The following CSMD2 variants were observed in gnomAD, a reference collection of about 807,000 sequenced individuals.
CSMD2 encodes CUB and sushi domain-containing protein 2.
CSMD2 carries 130 observed loss-of-function variants against 398.5 expected under a neutral mutation model. The observed-to-expected ratio is 0.33, with a 90% CI of 0.28 to 0.38. The LOEUF (loss-of-function observed/expected upper bound fraction) is 0.38, where lower values mean the gene tolerates loss of function less well. CSMD2 is among the 10% of genes least tolerant of loss of function. CSMD2 has a pLI of 1.00. For missense variants in CSMD2, 3,829 were observed against 4,764.9 expected (o/e 0.80, Z 5.78); for synonymous variants, 1,828 against 1,908.5 (o/e 0.96, Z 1.10).
In CSMD2 at chr1:33,533,914, C is replaced by G. The variant is rs777893209; in HGVS notation, c.9880-7G>C. 6.3e-7 allele frequency: 1 copy of G among 1,595,008 alleles called. No individual in the cohort carries two copies. Among genetic ancestry groups the G allele is most frequent in the Non-Finnish European group, 8.6e-7 (1 of 1,162,752 alleles). Reference sequence around the variant, plus strand: ...AGAGGACTGTGCTTCCAACCTGCGGCAAGATACAAAGTCCCATCAGCCCCT... The same window carrying G: ...AGAGGACTGTGCTTCCAACCTGCGGGAAGATACAAAGTCCCATCAGCCCCT... On this transcript the variant is annotated splice_region_variant and splice_polypyrimidine_tract_variant and intron_variant, in intron 62 of 70. Coordinates refer to ENST00000373381, the MANE Select transcript of CSMD2 (RefSeq NM_001281956.2). This position sits in a 1 kb window ranked among gnomAD's most constrained non-coding sequence, Gnocchi z 4.2.
chr1:33,780,949 T>G (rs1652678475), intron 12 of CSMD2, among the ~76,000 whole-genome samples: 2 of 152,218 alleles, frequency 1.3e-5, no homozygotes, highest in African/African-American at 4.8e-5. Flanking sequence ...AATAGCCATG[T>G]GCTTGGCATC....
At chr1:33,857,414 T>C (rs1032403795) in intron 5 of CSMD2, among the ~76,000 whole-genome samples, 1 of 152,098 alleles carries the variant, frequency 6.6e-6, no homozygotes, top group African/African-American at 2.4e-5. Context: ...TGCTATGGAT[T>C]GTAGCTAAAC....
At position 34,145,354 on chromosome 1, in the gene CSMD2, G is replaced by C. The variant is rs60818529; in HGVS notation, c.187+19557C>G. Among the ~76,000 whole-genome samples, 1,101 of 152,324 alleles carry C rather than the reference G, an allele frequency of 7.2e-3. 25 individuals are homozygous for C. Among genetic ancestry groups the C allele is most frequent in the African/African-American group, 0.025 (1,049 of 41,570 alleles). ...AGGTTCTGTACCAGGACAGCAGAAA[G>C]GCAGGAGGGCTGCATGCCTGCTTCT... On this transcript the variant is annotated intron_variant, in intron 1 of 70. Transcript: ENST00000373381.
chr1:33,844,604 C>T (rs1376112753), intron 6 of CSMD2, among the ~76,000 whole-genome samples: 1 of 152,142 alleles, frequency 6.6e-6, no homozygotes, highest in Non-Finnish European at 1.5e-5. Flanking sequence ...TTGAGCATGC[C>T]AGACCCAAAT....
chr1:33,664,829 A>C (rs990383714), intron 25 of CSMD2, among the ~76,000 whole-genome samples: 1 of 152,060 alleles, frequency 6.6e-6, no homozygotes, highest in Admixed American at 6.5e-5. Flanking sequence ...ATAAATAAAA[A>C]GAAAATAAAA....
At position 33,725,546 on chromosome 1, in the gene CSMD2, G is replaced by T. The variant is rs780985357; in HGVS notation, c.2508-10C>A. On this transcript the variant is annotated splice_polypyrimidine_tract_variant and intron_variant, in intron 16 of 70. Transcript: ENST00000373381. The stretch of plus-strand genomic sequence containing the variant: ...GACCTCGGTTTTGAATCTGCCAAAT[G>T]ACAGAAATGAAGCCTTCTTGAGAAA... The T allele has an allele frequency of 6.2e-7, 1 of 1,613,480 alleles. No individual in the cohort carries two copies. The highest frequency in any genetic ancestry group is 2.2e-5 in the East Asian group (1 of 44,888).
At chr1:33,908,614 T>C (rs1039132196) in intron 5 of CSMD2, among the ~76,000 whole-genome samples, 4 of 152,270 alleles carry the variant, frequency 2.6e-5, no homozygotes, top group Non-Finnish European at 4.4e-5. Context: ...AGAGCCGCTG[T>C]GCCCACTGCG....
chr1:33,546,110 G>T lies in CSMD2; in HGVS notation c.9027C>A (p.His3009Gln), dbSNP rs200063343. 6.2e-7 allele frequency: 1 copy of T among 1,614,150 alleles called. No homozygotes were observed. The highest frequency in any genetic ancestry group is 8.5e-7 in the Non-Finnish European group (1 of 1,180,024). ...TGCGCTCTGACGATCCCCGGAGCAC[G>T]TGGCCAGCTTCACAGCTGAAGCGCA... is the stretch of plus-strand genomic sequence containing the variant. ...TVMRFSCEAG[H>Q]VLRGSSERTC... Residue 3009 changes from histidine (H) to glutamine (Q), a missense_variant, in exon 57 of 71, where the codon CAC becomes CAA. Transcript: ENST00000373381.
chr1:33,785,180 A>G (rs1042422271), intron 12 of CSMD2, among the ~76,000 whole-genome samples: 2 of 152,222 alleles, frequency 1.3e-5, no homozygotes, highest in Non-Finnish European at 2.9e-5. Context: ...TAATCACAGC[A>G]CCCAGCAAAA....
In CSMD2 at chr1:33,819,789, T is replaced by C. The variant is rs1265799585; in HGVS notation, c.1248A>G (p.Gln416=). 1 of 1,614,036 alleles carries C rather than the reference T, an allele frequency of 6.2e-7. No homozygotes were observed. Among genetic ancestry groups the C allele is most frequent in the Admixed American group, 1.7e-5 (1 of 60,022 alleles). Reference sequence around the variant, plus strand: ...TCATACAGGTGATCCGCTTGGACCCTTGCAGGTCATAGCCCTCGTTGCAGG... The same window carrying C: ...TCATACAGGTGATCCGCTTGGACCCCTGCAGGTCATAGCCCTCGTTGCAGG... The part of the protein sequence containing the change: ...QFTCNEGYDL[Q]GSKRITCMKV... Residue 416 remains glutamine (Q), a synonymous_variant, in exon 9 of 71, where the codon CAA becomes CAG. Transcript: ENST00000373381.
intron 1 of CSMD2, among the ~76,000 whole-genome samples, chr1:34,129,082 G>A (rs983327288): frequency 6.6e-6 from 1 of 151,496 alleles, no homozygotes; most frequent in African/African-American, 2.4e-5. Flanking sequence ...GTGGCTGCAT[G>A]CCCACCCTCC....
At chr1:34,020,840 G>A (rs755836449) in intron 3 of CSMD2, among the ~76,000 whole-genome samples, 10 of 152,052 alleles carry the variant, frequency 6.6e-5, no homozygotes, top group Non-Finnish European at 1.3e-4. Flanking sequence ...GAAGGTGCTC[G>A]ACAAGTGCCA....
At chr1:34,042,992 T>C (rs1335459578) in intron 2 of CSMD2, among the ~76,000 whole-genome samples, 1 of 152,110 alleles carries the variant, frequency 6.6e-6, no homozygotes, top group Non-Finnish European at 1.5e-5. Context: ...AGTTTGACCA[T>C]GTTAGTCAGG....
At chr1:33,934,155 T>C (rs1407789519) in intron 4 of CSMD2, among the ~76,000 whole-genome samples, 1 of 152,150 alleles carries the variant, frequency 6.6e-6, no homozygotes, top group Non-Finnish European at 1.5e-5. Context: ...CAGAAAATCT[T>C]CCTCCAAAAG....
At chr1:33,693,687 C>G (rs1452708778) in intron 24 of CSMD2, among the ~76,000 whole-genome samples, 1 of 152,086 alleles carries the variant, frequency 6.6e-6, no homozygotes, top group Non-Finnish European at 1.5e-5. Flanking sequence ...TGGAAACAAC[C>G]CAAATGTCTA....
chr1:33,557,699 C>T (rs1395705938), intron 55 of CSMD2, 35 bp downstream of exon 55: 3 of 1,526,016 alleles, frequency 2.0e-6, no homozygotes, highest in African/African-American at 1.4e-5. Context: ...ACGGGCCACC[C>T]CATCAGTCAT....
intron 2 of CSMD2, among the ~76,000 whole-genome samples, chr1:34,043,895 G>A (rs892161445): frequency 3.9e-5 from 6 of 152,340 alleles, no homozygotes; most frequent in Non-Finnish European, 2.9e-5. Context: ...TCTCTGCTGA[G>A]CTTTCCTGGT....
intron 47 of CSMD2, among the ~76,000 whole-genome samples, chr1:33,582,668 C>T (rs416391): frequency 0.089 from 13,533 of 152,238 alleles, 734 homozygotes; most frequent in South Asian, 0.16. Flanking sequence ...TTAATTGATG[C>T]TGATGACTGG....
At chr1:33,864,466 A>C (rs10379) in intron 5 of CSMD2, 1,270,738 of 1,613,742 alleles carry the variant, frequency 0.79, 503,479 homozygotes, top group African/African-American at 0.96. Context: ...GATCCCCAGG[A>C]ACCCAGACGG....
Sources: allele counts gnomAD v4.1 joint callset (sites outside exome capture counted in the v4.1 genomes callset), GRCh38; gene constraint gnomAD v4.1.1; non-coding constraint Gnocchi (gnomAD v3.1); transcripts MANE v1.5; gene names NCBI Gene and HGNC (gene_info 2026-07-23, HGNC 2026-07-21).